The following LINGO2 variants were observed in gnomAD, a reference collection of about 807,000 sequenced individuals.
LINGO2 encodes the protein leucine rich repeat and Ig domain containing 2.
In LINGO2, 14 loss-of-function variants were observed where a neutral mutation model predicts 30.6. The observed-to-expected ratio is 0.46, with a 90% CI of 0.30 to 0.72. The LOEUF is 0.72. Among genes scored for constraint, LINGO2 ranks in the 30% least tolerant of loss-of-function variants. The probability of loss-of-function intolerance (pLI) is 0.07; values close to 1 mark genes in which losing one functional copy is unlikely to be tolerated. For synonymous variants in LINGO2, 317 were observed against 288.5 expected (o/e 1.10, Z -1.00); for missense variants, 729 against 751.7 (o/e 0.97, Z 0.35).
chr9:28,338,397 C>T (rs1242845604), intron 3 of LINGO2, among the ~76,000 whole-genome samples: 1 of 152,082 alleles, frequency 6.6e-6, no homozygotes. Flanking sequence ...TTTTCCTTGT[C>T]TCAGATGAGA....
At chr9:28,067,015 C>T (rs1368813959) in intron 4 of LINGO2, among the ~76,000 whole-genome samples, 4 of 151,948 alleles carry the variant, frequency 2.6e-5, no homozygotes, top group Non-Finnish European at 4.4e-5. Context: ...ATAATTTAGG[C>T]CTCTCTACTC....
chr9:28,544,422 G>A (rs1445421965), intron 1 of LINGO2, among the ~76,000 whole-genome samples: 2 of 151,846 alleles, frequency 1.3e-5, no homozygotes, highest in African/African-American at 4.8e-5. Context: ...CTTTTCCCTG[G>A]CCTTTGTAAC....
chr9:28,725,259 A>T, the LINGO2 span, among the ~76,000 whole-genome samples: 39,051 of 151,896 alleles, frequency 0.26, 5,450 homozygotes, highest in Admixed American at 0.42. Context: ...AGAGATAAAA[A>T]GGGCTTATTA....
At chr9:28,779,975 T>C in the LINGO2 span, among the ~76,000 whole-genome samples, 2 of 152,108 alleles carry the variant, frequency 1.3e-5, no homozygotes, top group African/African-American at 2.4e-5. Flanking sequence ...CCTTTTTTCT[T>C]CTCTCTACAC....
At chr9:29,196,116 C>G in the LINGO2 span, among the ~76,000 whole-genome samples, 1 of 152,050 alleles carries the variant, frequency 6.6e-6, no homozygotes, top group Admixed American at 6.6e-5. Flanking sequence ...ATCGTCCTAA[C>G]AAAGAAATGA....
At chr9:27,973,216 C>A (rs1175881699) in intron 5 of LINGO2, among the ~76,000 whole-genome samples, 1 of 152,160 alleles carries the variant, frequency 6.6e-6, no homozygotes, top group Non-Finnish European at 1.5e-5. Context: ...CTGGGGAATT[C>A]TGACTAAAAC....
intron 1 of LINGO2, among the ~76,000 whole-genome samples, chr9:28,557,224 A>G (rs1390958030): frequency 6.6e-6 from 1 of 152,062 alleles, no homozygotes; most frequent in Non-Finnish European, 1.5e-5. Flanking sequence ...ACAAAATGGG[A>G]GAAAATTTTC....
At chr9:28,103,849 C>A (rs1826488768) in intron 4 of LINGO2, among the ~76,000 whole-genome samples, 1 of 152,132 alleles carries the variant, frequency 6.6e-6, no homozygotes, top group African/African-American at 2.4e-5. Context: ...CCAGAGAGTT[C>A]ATTTAAACTT....
intron 3 of LINGO2, among the ~76,000 whole-genome samples, chr9:28,319,946 A>C (rs2134294368): frequency 6.6e-6 from 1 of 152,288 alleles, no homozygotes; most frequent in Middle Eastern, 3.4e-3. Flanking sequence ...TTAAAGTACT[A>C]GAATTTTAGG....
intron 4 of LINGO2, among the ~76,000 whole-genome samples, chr9:28,074,583 G>C (rs1260309905): frequency 6.6e-6 from 1 of 152,120 alleles, no homozygotes; most frequent in African/African-American, 2.4e-5. Context: ...GAAGTACATA[G>C]AGACTTACTG....
At chr9:28,554,847 C>T (rs1057058802) in intron 1 of LINGO2, among the ~76,000 whole-genome samples, 1 of 143,708 alleles carries the variant, frequency 7.0e-6, no homozygotes, top group Admixed American at 7.0e-5. Flanking sequence ...GAATCTCACT[C>T]AAAACCACTC....
At chr9:28,149,469 C>T (rs1302015782) in intron 4 of LINGO2, among the ~76,000 whole-genome samples, 6 of 150,328 alleles carry the variant, frequency 4.0e-5, no homozygotes, top group South Asian at 4.2e-4. Flanking sequence ...GCCCGGCCCC[C>T]GCCCTCTCTG....
At chr9:28,921,762 T>C in the LINGO2 span, among the ~76,000 whole-genome samples, 5 of 152,222 alleles carry the variant, frequency 3.3e-5, no homozygotes, top group African/African-American at 1.2e-4. Context: ...GTGTCTGGAC[T>C]GGGAGAGTGC....
the LINGO2 span, among the ~76,000 whole-genome samples, chr9:28,971,632 T>C: frequency 6.6e-6 from 1 of 152,194 alleles, no homozygotes; most frequent in South Asian, 2.1e-4. Flanking sequence ...CAATTTACAA[T>C]AGAACACCAG....
chr9:29,205,182 A>G, the LINGO2 span, among the ~76,000 whole-genome samples: 1 of 152,180 alleles, frequency 6.6e-6, no homozygotes, highest in East Asian at 1.9e-4. Flanking sequence ...CTGGACCTAC[A>G]GGCACACACC....
the LINGO2 span, among the ~76,000 whole-genome samples, chr9:28,961,975 A>T: frequency 6.6e-6 from 1 of 152,148 alleles, no homozygotes; most frequent in Non-Finnish European, 1.5e-5. Flanking sequence ...CTTTGTTGCC[A>T]CTTTGGAGTC....
chr9:29,022,710 T>C, the LINGO2 span, among the ~76,000 whole-genome samples: 3 of 152,300 alleles, frequency 2.0e-5, no homozygotes, highest in South Asian at 6.2e-4. Flanking sequence ...GATTTTTCAC[T>C]ACATTAAAGT....
the LINGO2 span, among the ~76,000 whole-genome samples, chr9:29,092,442 T>C: frequency 2.6e-5 from 4 of 151,962 alleles, no homozygotes; most frequent in Admixed American, 1.3e-4. Context: ...GGCTGTAAAA[T>C]AGGGAAAACC....
the LINGO2 span, among the ~76,000 whole-genome samples, chr9:28,775,615 A>G: frequency 6.6e-6 from 1 of 152,176 alleles, no homozygotes; most frequent in Non-Finnish European, 1.5e-5. Flanking sequence ...CTTAAATATT[A>G]TAAGTCTAAT....
Sources: gnomAD v4.1 joint callset for allele counts (sites outside exome capture counted in the v4.1 genomes callset) on GRCh38, gnomAD v4.1.1 for gene constraint, MANE v1.5 for transcripts, NCBI Gene and HGNC (gene_info 2026-07-23, HGNC 2026-07-21) for gene names.